MAML3: variants seen among roughly 807,000 people sequenced by gnomAD.
The protein encoded by MAML3 is mastermind like transcriptional coactivator 3.
MAML3 carries 27 observed loss-of-function variants against 101.9 expected under a neutral mutation model. That is an observed-to-expected ratio of 0.27 (90% confidence interval 0.20 to 0.37). MAML3 has a LOEUF of 0.37. Among genes scored for constraint, MAML3 ranks in the 10% least tolerant of loss-of-function variants. The pLI is 1.00. For missense variants in MAML3, 1,316 were observed against 1,444.9 expected, an observed-to-expected ratio of 0.91 and a Z score of 1.45; for synonymous variants, 501 against 555.9, an observed-to-expected ratio of 0.90 and a Z score of 1.39.
chr4:139,819,734 C>A (rs1181758489), intron 2 of MAML3, among the ~76,000 whole-genome samples: 1 of 152,216 alleles, frequency 6.6e-6, no homozygotes, highest in East Asian at 1.9e-4. Context: ...AGCTTCTTAA[C>A]AAATGCTTGA....
Position 139,988,529 on chromosome 4 carries a change from G to C in MAML3, c.469-97562C>G, listed in dbSNP as rs147917776. On this transcript the variant is annotated intron_variant, in intron 1 of 4. Coordinates refer to ENST00000509479, the MANE Select transcript of MAML3 (RefSeq NM_018717.5). The stretch of plus-strand genomic sequence containing the variant: ...ACAAGCAAAAATTCCCGTTTCATGA[G>C]CTGGAGAGCACAGAAAAGTCTAAGT... Among the ~76,000 whole-genome samples the C allele has an allele frequency of 1.5e-3, 225 of 152,188 alleles. 1 individual carries two copies. The highest frequency in any genetic ancestry group is 5.1e-3 in the African/African-American group (211 of 41,522).
At chr4:140,004,416 C>G (rs1263211160) in intron 1 of MAML3, among the ~76,000 whole-genome samples, 1 of 152,186 alleles carries the variant, frequency 6.6e-6, no homozygotes, top group Middle Eastern at 3.2e-3. Flanking sequence ...GTTTTAAAGG[C>G]ATCGCATCTT....
chr4:139,727,294 G>A (rs565558088), intron 3 of MAML3, among the ~76,000 whole-genome samples: 64 of 152,344 alleles, frequency 4.2e-4, no homozygotes, highest in African/African-American at 1.5e-3. Context: ...GACCATTAAA[G>A]TGTAGACAAG....
chr4:139,760,525 G>A (rs935282213), intron 2 of MAML3, among the ~76,000 whole-genome samples: 2 of 152,190 alleles, frequency 1.3e-5, no homozygotes, highest in Non-Finnish European at 2.9e-5. Context: ...CATGGGCACA[G>A]GACACGCTCA....
At chr4:139,734,026 G>A (rs560866252) in intron 2 of MAML3, among the ~76,000 whole-genome samples, 1 of 152,250 alleles carries the variant, frequency 6.6e-6, no homozygotes, top group Admixed American at 6.5e-5. Context: ...CCTTCCATAC[G>A]AAACATCTTT....
chr4:140,151,203 G>C (rs1055141655), intron 1 of MAML3, among the ~76,000 whole-genome samples: 2 of 152,056 alleles, frequency 1.3e-5, no homozygotes, highest in Non-Finnish European at 2.9e-5. Flanking sequence ...GGAGGAGGAA[G>C]GGAGGAGGAA....
intron 2 of MAML3, among the ~76,000 whole-genome samples, chr4:139,887,986 C>T (rs1732376088): frequency 6.6e-6 from 1 of 152,166 alleles, no homozygotes; most frequent in Non-Finnish European, 1.5e-5. Context: ...TGATTGCAGT[C>T]AATGTAAACC....
At chr4:140,027,828 G>A (rs993154354) in intron 1 of MAML3, among the ~76,000 whole-genome samples, 1 of 152,142 alleles carries the variant, frequency 6.6e-6, no homozygotes. Flanking sequence ...ACATCTGGAT[G>A]TATTTAGATA....
Position 140,153,218 on chromosome 4 carries a change from G to T in MAML3, c.110C>A (p.Pro37His), listed in dbSNP as rs1353937927. 6 of 1,569,204 alleles carry T rather than the reference G, an allele frequency of 3.8e-6. No homozygotes were observed. Among genetic ancestry groups the T allele is most frequent in the Non-Finnish European group, 5.2e-6 (6 of 1,156,314 alleles). ...GGAGIGVNNT[P>H]NSTPAAPSSN... ...ACTCGGAGCAGCGGGAGTACTATTG[G>T]GAGTATTATTCACACCGATCCCGGC... The change falls in exon 1 of 5, where the codon CCC (proline) becomes CAC (histidine). Residue 37 changes from proline to histidine, a missense_variant. Coordinates refer to ENST00000509479, the MANE Select transcript of MAML3 (RefSeq NM_018717.5).
At chr4:140,003,883 T>C (rs1726388361) in intron 1 of MAML3, among the ~76,000 whole-genome samples, 1 of 152,210 alleles carries the variant, frequency 6.6e-6, no homozygotes, top group Non-Finnish European at 1.5e-5. Context: ...GTGCTTTAAG[T>C]TCCCACAAGG....
chr4:139,748,096 G>A (rs1324182263), intron 2 of MAML3, among the ~76,000 whole-genome samples: 4 of 150,560 alleles, frequency 2.7e-5, no homozygotes, highest in Admixed American at 2.6e-4. Flanking sequence ...TATAGAGGTA[G>A]TGGGCCTTTG....
chr4:139,869,099 T>G (rs1731954584), intron 2 of MAML3, among the ~76,000 whole-genome samples: 1 of 152,214 alleles, frequency 6.6e-6, no homozygotes, highest in African/African-American at 2.4e-5. Flanking sequence ...TTCAATCCCA[T>G]GTTTGTGTGG....
At chr4:140,116,179 C>T (rs532757428) in intron 1 of MAML3, among the ~76,000 whole-genome samples, 1 of 152,214 alleles carries the variant, frequency 6.6e-6, no homozygotes, top group Admixed American at 6.5e-5. Context: ...TGTTTACAAG[C>T]ACTCCTTCAT....
At chr4:139,873,075 C>T (rs1732046060) in intron 2 of MAML3, among the ~76,000 whole-genome samples, 1 of 151,896 alleles carries the variant, frequency 6.6e-6, no homozygotes, top group South Asian at 2.1e-4. Context: ...GAGTGAGACT[C>T]CATCTCAAAA....
chr4:139,882,761 A>T (rs1732245048), intron 2 of MAML3, among the ~76,000 whole-genome samples: 1 of 152,174 alleles, frequency 6.6e-6, no homozygotes, highest in African/African-American at 2.4e-5. Flanking sequence ...AGGCAGGAGA[A>T]TCACTTGAAT....
intron 1 of MAML3, among the ~76,000 whole-genome samples, chr4:140,064,547 T>G (rs1727498729): frequency 6.6e-6 from 1 of 151,972 alleles, no homozygotes; most frequent in Non-Finnish European, 1.5e-5. Flanking sequence ...CAAGAACGAG[T>G]TTTTTGGGCT....
At chr4:139,873,702 G>A (rs565908894) in intron 2 of MAML3, among the ~76,000 whole-genome samples, 8 of 152,218 alleles carry the variant, frequency 5.3e-5, no homozygotes, top group African/African-American at 1.7e-4. Flanking sequence ...AGGAACTGAG[G>A]CCTCCAGTCA....
intron 2 of MAML3, among the ~76,000 whole-genome samples, chr4:139,794,870 C>T (rs1730484522): frequency 6.6e-6 from 1 of 152,146 alleles, no homozygotes; most frequent in South Asian, 2.1e-4. Flanking sequence ...GGTCAGGTGC[C>T]AAGAGGTTGC....
At chr4:139,893,731 T>C (rs931505713) in intron 1 of MAML3, among the ~76,000 whole-genome samples, 4 of 152,176 alleles carry the variant, frequency 2.6e-5, no homozygotes, top group African/African-American at 9.7e-5. Context: ...GGACTCATTT[T>C]AAAAGTCCAG....
Sources: allele counts gnomAD v4.1 joint callset (sites outside exome capture counted in the v4.1 genomes callset), GRCh38; gene constraint gnomAD v4.1.1; transcripts MANE v1.5; gene names NCBI Gene and HGNC (gene_info 2026-07-23, HGNC 2026-07-21).